Variants in PDE11A observed in about 807,000 individuals in gnomAD.
The protein encoded by PDE11A is dual 3',5'-cyclic-AMP and -GMP phosphodiesterase 11A.
PDE11A carries 100 observed loss-of-function variants against 100.5 expected under a neutral mutation model. The ratio of observed to expected loss-of-function variants is 1.00; its 90% confidence interval spans 0.85 to 1.18. The LOEUF is 1.18. Among genes scored for constraint, PDE11A ranks in the 50% most tolerant of loss-of-function variants. The pLI is 0.00. For synonymous variants in PDE11A, 381 were observed against 420.8 expected (o/e 0.91, Z 1.16); for missense variants, 1,141 against 1,152.6 (o/e 0.99, Z 0.15).
chr2:177,903,899 G>T (rs911342492), intron 3 of PDE11A, among the ~76,000 whole-genome samples: 7 of 152,154 alleles, frequency 4.6e-5, no homozygotes, highest in Non-Finnish European at 1.5e-5. Flanking sequence ...CAGGAGCACG[G>T]TAAGACATGG....
chr2:177,654,993 T>G (rs2080360838), intron 19 of PDE11A, among the ~76,000 whole-genome samples: 1 of 152,156 alleles, frequency 6.6e-6, no homozygotes, highest in Admixed American at 6.5e-5. Context: ...TGTAAGGACT[T>G]GGGGTTAAGA....
chr2:177,832,554 C>CATATATCTATCT (rs374573784), intron 6 of PDE11A, among the ~76,000 whole-genome samples: 1 of 146,290 alleles, frequency 6.8e-6, no homozygotes, highest in African/African-American at 2.5e-5. Context: ...TACTCACATC[C>CATATATCTATCT]ATCTATCTAT....
chr2:178,015,767 G>A (rs770449889), intron 1 of PDE11A, among the ~76,000 whole-genome samples: 3 of 152,082 alleles, frequency 2.0e-5, no homozygotes, highest in Non-Finnish European at 4.4e-5. Flanking sequence ...GGAGAGAAGG[G>A]AAGGAGAGAG....
intron 2 of PDE11A, among the ~76,000 whole-genome samples, chr2:177,925,611 T>C (rs539377484): frequency 3.9e-5 from 6 of 152,362 alleles, no homozygotes; most frequent in African/African-American, 1.2e-4. Flanking sequence ...TTGAGTTCAT[T>C]GTAGATTCTG....
chr2:177,744,340 CTT>C (rs5836624), intron 10 of PDE11A, among the ~76,000 whole-genome samples: 1 of 146,586 alleles, frequency 6.8e-6, no homozygotes, highest in Admixed American at 6.8e-5. Context: ...TTGTTTCATG[CTT>C]TTTTTTTTTT....
At chr2:177,722,531 C>T (rs2081545698) in intron 12 of PDE11A, among the ~76,000 whole-genome samples, 1 of 152,080 alleles carries the variant, frequency 6.6e-6, no homozygotes, top group African/African-American at 2.4e-5. Flanking sequence ...GCAATGTCAG[C>T]TGGAAGCATG....
intron 2 of PDE11A, among the ~76,000 whole-genome samples, chr2:177,967,198 GTC>G (rs1474816135): frequency 7.9e-6 from 1 of 125,802 alleles, no homozygotes; most frequent in African/African-American, 3.2e-5. Context: ...TGTCTCCTTT[GTC>G]TTTTTTTTTT....
intron 4 of PDE11A, among the ~76,000 whole-genome samples, chr2:177,880,686 T>C (rs1051857539): frequency 9.2e-5 from 14 of 152,206 alleles, no homozygotes; most frequent in African/African-American, 2.9e-4. Context: ...GTAGACTATG[T>C]TCCCTAACTT....
chr2:177,786,501 G>A (rs200429498), intron 9 of PDE11A, among the ~76,000 whole-genome samples: 49,599 of 151,030 alleles, frequency 0.33, 8,321 homozygotes, highest in African/African-American at 0.39. Context: ...CCAAAGGAAC[G>A]CAGTTCCTCA....
chr2:177,959,795 CA>C (rs1219159295), intron 2 of PDE11A, among the ~76,000 whole-genome samples: 1 of 152,088 alleles, frequency 6.6e-6, no homozygotes, highest in Admixed American at 6.5e-5. Context: ...CAAGGAGTTA[CA>C]GGTTTATTAA....
intron 10 of PDE11A, among the ~76,000 whole-genome samples, chr2:177,758,010 A>G (rs1439963344): frequency 6.6e-6 from 1 of 151,990 alleles, no homozygotes; most frequent in Non-Finnish European, 1.5e-5. Flanking sequence ...CTGTGGAGGC[A>G]AGGCACGGTG....
chr2:177,949,305 A>AAC (rs1327132015), intron 2 of PDE11A, among the ~76,000 whole-genome samples: 7 of 152,252 alleles, frequency 4.6e-5, no homozygotes, highest in Admixed American at 1.3e-4. Flanking sequence ...AAAGAAAAGC[A>AAC]ACATGTACTC....
At chr2:177,935,346 T>C (rs1006861136) in intron 2 of PDE11A, among the ~76,000 whole-genome samples, 1 of 152,062 alleles carries the variant, frequency 6.6e-6, no homozygotes, top group Non-Finnish European at 1.5e-5. Context: ...ATTGTTGGGC[T>C]AAATAGCCAC....
chr2:178,088,639 A>C (rs1025406369), intron 2 of PDE11A, among the ~76,000 whole-genome samples: 1 of 152,246 alleles, frequency 6.6e-6, no homozygotes, highest in Non-Finnish European at 1.5e-5. Context: ...GAAGACATGA[A>C]TTAGAATTGC....
intron 2 of PDE11A, among the ~76,000 whole-genome samples, chr2:178,088,211 T>C (rs2087382263): frequency 6.6e-6 from 1 of 152,232 alleles, no homozygotes; most frequent in African/African-American, 2.4e-5. Context: ...GTTGATCATA[T>C]TGATCACAAA....
intron 5 of PDE11A, among the ~76,000 whole-genome samples, chr2:177,855,599 C>T (rs1298812278): frequency 6.6e-6 from 1 of 152,046 alleles, no homozygotes; most frequent in African/African-American, 2.4e-5. Flanking sequence ...CCCAAAAGCT[C>T]TATCCCCAGA....
chr2:177,867,261 T>C (rs186744412), intron 5 of PDE11A, among the ~76,000 whole-genome samples: 21 of 152,324 alleles, frequency 1.4e-4, no homozygotes, highest in Non-Finnish European at 2.9e-4. Flanking sequence ...GAATTTCTGA[T>C]TCCCAAAAGC....
At chr2:178,065,009 T>G (rs2087026215) in intron 1 of PDE11A, among the ~76,000 whole-genome samples, 1 of 152,142 alleles carries the variant, frequency 6.6e-6, no homozygotes, top group African/African-American at 2.4e-5. Flanking sequence ...GAAAGTATAT[T>G]TTTTAATGCC....
chr2:178,048,752 G>A lies in PDE11A; in HGVS notation c.912+22774C>T, dbSNP rs147035084. 1.2e-3 allele frequency among the ~76,000 whole-genome samples: 180 copies of A among 152,266 alleles called. 2 individuals are homozygous for A. Among genetic ancestry groups the A allele is most frequent in the South Asian group, 7.5e-3 (36 of 4,820 alleles). ...AATTCTGGTGCTGAGAATTATACAC[G>A]CCTATAAATATAAGCCCATATTCCA... On this transcript the variant is annotated intron_variant, in intron 1 of 19. Coordinates refer to ENST00000286063, the MANE Select transcript of PDE11A (RefSeq NM_016953.4).
Sources: gnomAD v4.1 joint callset for allele counts (sites outside exome capture counted in the v4.1 genomes callset) on GRCh38, gnomAD v4.1.1 for gene constraint, MANE v1.5 for transcripts, NCBI Gene and HGNC (gene_info 2026-07-23, HGNC 2026-07-21) for gene names.